PCDHGA5: variants seen among roughly 807,000 people sequenced by gnomAD.
PCDHGA5 encodes protocadherin gamma-A5.
Under a neutral mutation model 56.7 loss-of-function variants are expected in PCDHGA5, and 36 were observed. The observed-to-expected ratio is 0.64, with a 90% CI of 0.49 to 0.84. The LOEUF (loss-of-function observed/expected upper bound fraction) is 0.84, where lower values mean the gene tolerates loss of function less well. Among genes scored for constraint, PCDHGA5 ranks in the 40% least tolerant of loss-of-function variants. The pLI, the probability that PCDHGA5 is intolerant of heterozygous loss-of-function variation, is 0.00. For missense variants in PCDHGA5, 1,305 were observed against 1,201.5 expected, an observed-to-expected ratio of 1.09 and a Z score of -1.27; for synonymous variants, 563 against 520.2, an observed-to-expected ratio of 1.08 and a Z score of -1.12.
At chr5:141,372,662 T>C in intron 1 of PCDHGA5, 1 of 1,614,056 alleles carries the variant, frequency 6.2e-7, no homozygotes, top group Non-Finnish European at 8.5e-7. Context: ...ATCCGTGTGC[T>C]GCCTCACATT....
intron 1 of PCDHGA5, chr5:141,404,379 C>T (rs548569433): frequency 6.2e-7 from 1 of 1,613,940 alleles, no homozygotes; most frequent in African/African-American, 1.3e-5. Flanking sequence ...TCCGTGATTG[C>T]CTATGACCCT....
At chr5:141,461,441 T>A (rs959248029) in intron 1 of PCDHGA5, among the ~76,000 whole-genome samples, 7 of 152,194 alleles carry the variant, frequency 4.6e-5, no homozygotes, top group Admixed American at 4.6e-4. Flanking sequence ...TACCTTCTTT[T>A]GAGAAATGGC....
chr5:141,465,501 C>T (rs1044567555), intron 1 of PCDHGA5, among the ~76,000 whole-genome samples: 1 of 152,164 alleles, frequency 6.6e-6, no homozygotes, highest in Non-Finnish European at 1.5e-5. Context: ...GGAGCATTGT[C>T]GTGGTCAGGA....
intron 1 of PCDHGA5, chr5:141,382,906 G>A (rs1778564792): frequency 6.5e-7 from 1 of 1,544,848 alleles, no homozygotes; most frequent in Non-Finnish European, 8.7e-7. Context: ...GACTATGGCG[G>A]CTCAGCCGAG....
intron 1 of PCDHGA5, chr5:141,420,475 A>G (rs1590231324): frequency 3.0e-6 from 2 of 665,126 alleles, no homozygotes; most frequent in Admixed American, 7.8e-5. Context: ...ATTTTAAAGC[A>G]AACTACATGG....
In PCDHGA5 at chr5:141,432,293, G is replaced by A; in HGVS notation, c.2422-62514G>A. On this transcript the variant is annotated intron_variant, in intron 1 of 3. Transcript: ENST00000518069. The surrounding 1 kb of genome is among the most constrained non-coding windows in gnomAD (Gnocchi z 6.0). ...CTACGTGTCCATCAACTCCGACACT[G>A]GGGTACTGTATGCGCTGAGCTCCTT... 1 of 1,614,254 alleles carries A rather than the reference G, an allele frequency of 6.2e-7. No homozygotes were observed. Among genetic ancestry groups the A allele is most frequent in the Non-Finnish European group, 8.5e-7 (1 of 1,180,040 alleles).
At chr5:141,409,747 C>A in intron 1 of PCDHGA5, 3 of 1,612,994 alleles carry the variant, frequency 1.9e-6, no homozygotes, top group South Asian at 1.1e-5. Flanking sequence ...GGGTGGTGTT[C>A]GCGCAGCGCG....
intron 1 of PCDHGA5, among the ~76,000 whole-genome samples, chr5:141,479,817 A>T (rs773702225): frequency 6.6e-6 from 1 of 152,230 alleles, no homozygotes; most frequent in Non-Finnish European, 1.5e-5. Flanking sequence ...CAAGGATACT[A>T]TCCAAGGCAT....
chr5:141,492,503 A>G (rs1341352458), intron 1 of PCDHGA5, among the ~76,000 whole-genome samples: 1 of 151,188 alleles, frequency 6.6e-6, no homozygotes, highest in Non-Finnish European at 1.5e-5. Context: ...AGGACTCCGG[A>G]GCCTCCTCTC....
rs377060474 is a variant in PCDHGA5, at chr5:141,487,810, C to A, written c.2422-6997C>A. The A allele has an allele frequency of 7.4e-4, 1,055 of 1,417,844 alleles. 13 individuals carry two copies. In the South Asian group the frequency reaches 0.013, roughly 17 times the overall value. The allele number at this position is 1,417,844 out of a possible 1,614,324, so 87.8% of individuals were successfully genotyped here. A position where few individuals can be genotyped will look rare whatever the true frequency, so the allele number is the denominator to read the frequency against. ...ATTAACCAGAGTTGTCACAGTTTAG[C>A]ATTGGGGGCGGGTCATGCCTATATC... On this transcript the variant is annotated intron_variant, in intron 1 of 3. Transcript: ENST00000518069. The surrounding 1 kb of genome is among the most constrained non-coding windows in gnomAD (Gnocchi z 5.0).
intron 1 of PCDHGA5, chr5:141,416,389 T>A (rs2096020280): frequency 6.6e-6 from 1 of 152,236 alleles, no homozygotes; most frequent in Non-Finnish European, 1.5e-5. Context: ...TATTTGGGAT[T>A]CTGCTTTTGT....
Position 141,364,374 on chromosome 5 carries a change from T to C in PCDHGA5, c.44T>C (p.Leu15Pro), listed in dbSNP as rs1015001809. The C allele has an allele frequency of 2.7e-5, 42 of 1,573,582 alleles. No homozygotes were observed. The highest frequency in any genetic ancestry group is 3.6e-5 in the Non-Finnish European group (42 of 1,161,466). Residue 15 changes from leucine to proline, a missense_variant, in exon 1 of 4, where the codon CTG becomes CCG. Transcript: ENST00000518069. ...GGCTGGGGCTGCGGAGAGCTGCTGCTGCCCTTCATGCTCCTGGGGACGCTG... is the reference window on the plus strand; with the variant it reads ...GGCTGGGGCTGCGGAGAGCTGCTGCCGCCCTTCATGCTCCTGGGGACGCTG... ...PRGWGCGELL[L>P]PFMLLGTLCE... is the part of the protein sequence containing the mutation.
At chr5:141,423,734 T>C in intron 1 of PCDHGA5, 1 of 969,626 alleles carries the variant, frequency 1.0e-6, no homozygotes, top group Non-Finnish European at 1.3e-6. Flanking sequence ...TTTTTGAGCC[T>C]GTTATGAAAA....
chr5:141,409,415 G>C, intron 1 of PCDHGA5: 1 of 1,614,008 alleles, frequency 6.2e-7, no homozygotes. Context: ...CTACAAACTG[G>C]TGACAGATGG....
intron 1 of PCDHGA5, chr5:141,375,208 C>T: frequency 1.2e-6 from 2 of 1,613,958 alleles, no homozygotes; most frequent in Non-Finnish European, 8.5e-7. Flanking sequence ...TCGATCGAGA[C>T]TCTGGCCTGA....
rs1317150359 is a variant in PCDHGA5 at position 141,420,381 on chromosome 5, G to A, written c.2421+53630G>A. On this transcript the variant is annotated intron_variant, in intron 1 of 3. Transcript: ENST00000518069. ...TCTAGATAACTTCTTCATAGAGTTC[G>A]CAAAATATAGGTCAAATTTATGGTT... The A allele has an allele frequency of 1.1e-5, 14 of 1,298,362 alleles. No homozygotes were observed. In the Admixed American group the frequency reaches 1.3e-4, roughly 13 times the overall value. The allele number at this position is 1,298,362 out of a possible 1,614,324, so 80.4% of individuals were successfully genotyped here.
At chr5:141,482,338 T>C (rs2099556539) in intron 1 of PCDHGA5, among the ~76,000 whole-genome samples, 1 of 152,156 alleles carries the variant, frequency 6.6e-6, no homozygotes, top group African/African-American at 2.4e-5. Context: ...ATATCTACTT[T>C]GCAAACTTGT....
At position 141,491,448 on chromosome 5, in the gene PCDHGA5, A is replaced by G; in HGVS notation, c.2422-3359A>G. ...GGCAGTGCTGCAGGCGCCAGGACTC[A>G]CCCTCCCCGGACTTCTATAAGCAGT... On this transcript the variant is annotated intron_variant, in intron 1 of 3. Coordinates refer to ENST00000518069, the MANE Select transcript of PCDHGA5 (RefSeq NM_018918.3). The surrounding 1 kb of genome is among the most constrained non-coding windows in gnomAD (Gnocchi z 6.9). The G allele has an allele frequency of 6.2e-7, 1 of 1,613,792 alleles. No homozygotes were observed. The highest frequency in any genetic ancestry group is 8.5e-7 in the Non-Finnish European group (1 of 1,179,986).
chr5:141,388,886 A>G (rs542218864), intron 1 of PCDHGA5: 1 of 1,613,988 alleles, frequency 6.2e-7, no homozygotes, highest in Non-Finnish European at 8.5e-7. Flanking sequence ...TGGAGGTAGA[A>G]GTCATAGATG....
Sources: allele counts gnomAD v4.1 joint callset (sites outside exome capture counted in the v4.1 genomes callset), GRCh38; gene constraint gnomAD v4.1.1; non-coding constraint Gnocchi (gnomAD v3.1); transcripts MANE v1.5; gene names NCBI Gene and HGNC (gene_info 2026-07-23, HGNC 2026-07-21).